GAS7: variants seen among roughly 807,000 people sequenced by gnomAD.
GAS7 encodes the protein growth arrest specific 7.
GAS7 carries 28 observed loss-of-function variants against 71.1 expected under a neutral mutation model. The ratio of observed to expected loss-of-function variants is 0.39; its 90% CI spans 0.29 to 0.54. GAS7 has a LOEUF of 0.54. Ranked by LOEUF, GAS7 falls within the 20% of genes least tolerant of loss-of-function variation. GAS7 has a pLI of 0.62. For synonymous variants in GAS7, 258 were observed against 245.8 expected, an observed-to-expected ratio of 1.05 and a Z score of -0.46; for missense variants, 436 against 627.8, an observed-to-expected ratio of 0.69 and a Z score of 3.27.
In GAS7 at chr17:9,967,975, A is replaced by G. The variant is rs372147504; in HGVS notation, c.471+1702T>C. Among the ~76,000 whole-genome samples the G allele has an allele frequency of 1.7e-4, 26 of 152,352 alleles. No homozygotes were observed. The South Asian group carries it at 5.4e-3, about 32-fold the overall frequency. Reference sequence around the variant, plus strand: ...ATGAGTAACAACTTCACAGTATTTCAGAAGGGATTATGTTTTATCAGGGAA... The same window carrying G: ...ATGAGTAACAACTTCACAGTATTTCGGAAGGGATTATGTTTTATCAGGGAA... On this transcript the variant is annotated intron_variant, in intron 4 of 13. Transcript: ENST00000432992.
At chr17:9,924,649 G>A (rs962385450) in intron 11 of GAS7, 14 of 149,984 alleles carry the variant, frequency 9.3e-5, no homozygotes, top group African/African-American at 3.5e-4. Context: ...ATTTTTTATT[G>A]ACTTATTTCT....
At chr17:9,957,397 C>T (rs548597130) in intron 5 of GAS7, among the ~76,000 whole-genome samples, 2 of 152,342 alleles carry the variant, frequency 1.3e-5, no homozygotes, top group Admixed American at 6.5e-5. Flanking sequence ...CCGCCATCAG[C>T]CCCCTCCGGC....
At chr17:10,073,039 C>T (rs1220787657) in intron 1 of GAS7, among the ~76,000 whole-genome samples, 1 of 152,154 alleles carries the variant, frequency 6.6e-6, no homozygotes, top group Admixed American at 6.5e-5. Context: ...TGGCCCTCCC[C>T]GGCCCAGGAC....
chr17:10,085,691 C>CAAAAAAAAAAAAAAAA (rs1194345705), intron 1 of GAS7, among the ~76,000 whole-genome samples: 1 of 58,234 alleles, frequency 1.7e-5, no homozygotes, highest in African/African-American at 6.8e-5. Flanking sequence ...GATTCCGTCT[C>CAAAAAAAAAAAAAAAA]AAAAAAAAAA....
intron 11 of GAS7, among the ~76,000 whole-genome samples, chr17:9,921,114 G>A (rs370301884): frequency 2.0e-5 from 3 of 152,108 alleles, no homozygotes; most frequent in East Asian, 3.9e-4. Context: ...GCACTGAACC[G>A]GAGAGAAGAA....
At position 9,915,313 on chromosome 17, in the gene GAS7, C is replaced by T. The variant is rs1359659946; in HGVS notation, c.*1915G>A. 3 of 230,738 alleles carry T rather than the reference C, an allele frequency of 1.3e-5. No individual in the cohort carries two copies. The highest frequency in any genetic ancestry group is 2.6e-5 in the Non-Finnish European group (3 of 116,324). 14.3% of individuals were successfully genotyped at this position (230,738 alleles called of 1,614,324 possible). A position where few individuals can be genotyped will look rare whatever the true frequency, so the allele number is the denominator to read the frequency against. ...GCTTTGAATGTTTGGAAATCATCCA[C>T]AGAGTAGTTTACTAAGCCACAAAGC... is the stretch of plus-strand genomic sequence containing the variant. On this transcript the variant is annotated 3_prime_UTR_variant, in exon 14 of 14. Coordinates refer to ENST00000432992, the MANE Select transcript of GAS7 (RefSeq NM_201433.2).
At chr17:9,932,156 G>C (rs1276193754) in intron 9 of GAS7, among the ~76,000 whole-genome samples, 2 of 151,858 alleles carry the variant, frequency 1.3e-5, no homozygotes, top group Non-Finnish European at 2.9e-5. Flanking sequence ...GAGGAGGCCA[G>C]GGTCACTGGG....
intron 2 of GAS7, among the ~76,000 whole-genome samples, chr17:10,009,237 C>T (rs1301869945): frequency 2.7e-5 from 4 of 145,542 alleles, no homozygotes; most frequent in Admixed American, 1.4e-4. Context: ...AGGAGAATGG[C>T]GTGAACCCGG....
chr17:10,054,365 T>G (rs539569922), intron 1 of GAS7, among the ~76,000 whole-genome samples: 1 of 152,214 alleles, frequency 6.6e-6, no homozygotes, highest in African/African-American at 2.4e-5. Flanking sequence ...CTACTTATCA[T>G]CAGCATATTG....
At chr17:9,930,288 T>C (rs1450321854) in intron 9 of GAS7, among the ~76,000 whole-genome samples, 1 of 152,252 alleles carries the variant, frequency 6.6e-6, no homozygotes, top group Non-Finnish European at 1.5e-5. Context: ...AAATGCATCA[T>C]TGTAAGTCAC....
At chr17:9,986,212 A>G (rs982986033) in intron 2 of GAS7, among the ~76,000 whole-genome samples, 11 of 152,190 alleles carry the variant, frequency 7.2e-5, no homozygotes, top group African/African-American at 2.4e-4. Context: ...AATAAACAGC[A>G]GGGAAAAGGT....
intron 1 of GAS7, among the ~76,000 whole-genome samples, chr17:10,094,606 C>T (rs1051416783): frequency 2.6e-5 from 4 of 152,008 alleles, no homozygotes; most frequent in Admixed American, 6.6e-5. Context: ...GTAGCTGAGA[C>T]CACAGACACG....
At position 10,008,090 on chromosome 17, in the gene GAS7, T is replaced by C. The variant is rs565130489; in HGVS notation, c.304+11687A>G. Among the ~76,000 whole-genome samples, 11 of 152,336 alleles carry C rather than the reference T, an allele frequency of 7.2e-5. No homozygotes were observed. In the South Asian group the frequency reaches 1.2e-3, roughly 17 times the overall value. ...CATTCCTTTTTATGGCTGAATAATA[T>C]ACCATTGTATGGCTAAAACCACATT... is the stretch of plus-strand genomic sequence containing the variant. On this transcript the variant is annotated intron_variant, in intron 2 of 13. Transcript: ENST00000432992.
intron 1 of GAS7, among the ~76,000 whole-genome samples, chr17:10,191,131 C>T (rs1397801113): frequency 6.8e-6 from 1 of 147,208 alleles, no homozygotes; most frequent in African/African-American, 2.5e-5. Flanking sequence ...GCCGAGATCA[C>T]GCCATTGTAC....
intron 1 of GAS7, among the ~76,000 whole-genome samples, chr17:10,100,381 T>C (rs141205668): frequency 6.6e-6 from 1 of 152,262 alleles, no homozygotes; most frequent in East Asian, 1.9e-4. Flanking sequence ...CAGCACAGAA[T>C]GCCACTTCCC....
Position 9,994,018 on chromosome 17 carries a change from A to G in GAS7, c.305-12134T>C, listed in dbSNP as rs1377429925. Among the ~76,000 whole-genome samples the G allele has an allele frequency of 4.9e-4, 72 of 147,930 alleles. 1 individual carries two copies. Among genetic ancestry groups the G allele is most frequent in the Non-Finnish European group, 3.0e-5 (2 of 66,208 alleles). Reference sequence around the variant, plus strand: ...AAGGAGAACTACAAACCACTGCTCAAGGAAATAAAAGAGGATACAAACAAA... The same window carrying G: ...AAGGAGAACTACAAACCACTGCTCAGGGAAATAAAAGAGGATACAAACAAA... On this transcript the variant is annotated intron_variant, in intron 2 of 13. Transcript: ENST00000432992.
intron 1 of GAS7, among the ~76,000 whole-genome samples, chr17:10,154,329 T>A (rs1177513702): frequency 6.6e-6 from 1 of 151,604 alleles, no homozygotes; most frequent in African/African-American, 2.4e-5. Flanking sequence ...AGAGACCTTG[T>A]CTCTACAAGA....
At chr17:9,984,989 G>A (rs962739810) in intron 2 of GAS7, among the ~76,000 whole-genome samples, 2 of 143,162 alleles carry the variant, frequency 1.4e-5, no homozygotes, top group Non-Finnish European at 3.0e-5. Context: ...AGTCAAGACC[G>A]GGCTCCCCTC....
rs551426550 is a variant in GAS7, at chr17:10,034,423, C to G, written c.184-14526G>C. Among the ~76,000 whole-genome samples, 2 of 152,084 alleles carry G rather than the reference C, an allele frequency of 1.3e-5. No homozygotes were observed. The highest frequency in any genetic ancestry group is 4.8e-5 in the African/African-American group (2 of 41,470). ...TTCCAGGTTCAAGCGATTCTCCTCC[C>G]TCAGCCTCCCAATTAGCTGGGATTA... is the stretch of plus-strand genomic sequence containing the variant. On this transcript the variant is annotated intron_variant, in intron 1 of 13. Coordinates refer to ENST00000432992, the MANE Select transcript of GAS7 (RefSeq NM_201433.2). The surrounding 1 kb of genome is among the most constrained non-coding windows in gnomAD (Gnocchi z 4.4).
Sources: allele counts gnomAD v4.1 joint callset (sites outside exome capture counted in the v4.1 genomes callset), GRCh38; gene constraint gnomAD v4.1.1; non-coding constraint Gnocchi (gnomAD v3.1); transcripts MANE v1.5; gene names NCBI Gene and HGNC (gene_info 2026-07-23, HGNC 2026-07-21).